NKAIN3: variants seen among roughly 807,000 people sequenced by gnomAD.
NKAIN3 encodes the protein sodium/potassium-transporting ATPase subunit beta-1-interacting protein 3.
NKAIN3 carries 25 observed loss-of-function variants against 30.2 expected under a neutral mutation model. The ratio of observed to expected loss-of-function variants is 0.83; its 90% CI spans 0.60 to 1.16. NKAIN3 has a LOEUF of 1.16. Ranked by LOEUF, NKAIN3 falls within the 50% of genes most tolerant of loss-of-function variation. NKAIN3 has a pLI of 0.00. For synonymous variants in NKAIN3, 91 were observed against 89.6 expected, an observed-to-expected ratio of 1.02 and a Z score of -0.09; for missense variants, 225 against 254.1, an observed-to-expected ratio of 0.89 and a Z score of 0.78.
chr8:62,956,251 G>A (rs1472662970), intron 6 of NKAIN3, among the ~76,000 whole-genome samples: 2 of 152,142 alleles, frequency 1.3e-5, no homozygotes, highest in South Asian at 2.1e-4. Context: ...CCTTCTGTGC[G>A]AAATTGTTAG....
At chr8:62,784,750 C>A (rs182340823) in intron 4 of NKAIN3, among the ~76,000 whole-genome samples, 146 of 152,200 alleles carry the variant, frequency 9.6e-4, no homozygotes, top group African/African-American at 3.3e-3. Context: ...GAGCACTTCC[C>A]AGCTTCTGTT....
intron 4 of NKAIN3, among the ~76,000 whole-genome samples, chr8:62,777,752 G>T (rs1158846319): frequency 1.3e-5 from 2 of 152,078 alleles, no homozygotes; most frequent in African/African-American, 2.4e-5. Flanking sequence ...CTTGATACTT[G>T]TGGACGTTCA....
At chr8:62,249,897 C>T (rs139053681) in intron 1 of NKAIN3, among the ~76,000 whole-genome samples, 160 of 152,274 alleles carry the variant, frequency 1.1e-3, no homozygotes, top group African/African-American at 3.7e-3. Flanking sequence ...AGCAAATGCT[C>T]CTCTTAATCC....
intron 1 of NKAIN3, among the ~76,000 whole-genome samples, chr8:62,548,765 A>T (rs1194912975): frequency 6.6e-6 from 1 of 150,736 alleles, no homozygotes; most frequent in African/African-American, 2.4e-5. Flanking sequence ...AGTTTATAAA[A>T]ATATATATAA....
intron 1 of NKAIN3, among the ~76,000 whole-genome samples, chr8:62,256,642 T>C (rs1033519329): frequency 1.2e-4 from 19 of 152,170 alleles, no homozygotes; most frequent in Non-Finnish European, 2.5e-4. Context: ...CGGTAGGCTG[T>C]CTGCTCTTTT....
intron 4 of NKAIN3, among the ~76,000 whole-genome samples, chr8:62,837,643 C>A (rs140829341): frequency 6.6e-6 from 1 of 152,060 alleles, no homozygotes; most frequent in African/African-American, 2.4e-5. Context: ...TGATTTGTAA[C>A]AGAATAATTA....
chr8:62,738,888 G>A (rs1332519000), intron 3 of NKAIN3, among the ~76,000 whole-genome samples: 1 of 152,056 alleles, frequency 6.6e-6, no homozygotes, highest in Non-Finnish European at 1.5e-5. Context: ...ATGATAGACT[G>A]GATAAAGAAA....
chr8:62,496,921 C>T (rs1807259894), intron 1 of NKAIN3, among the ~76,000 whole-genome samples: 2 of 152,038 alleles, frequency 1.3e-5, no homozygotes, highest in African/African-American at 2.4e-5. Flanking sequence ...CAGTGATTCC[C>T]TAGTGTCTTA....
chr8:62,849,256 C>G (rs1352764064), intron 4 of NKAIN3, among the ~76,000 whole-genome samples: 1 of 148,288 alleles, frequency 6.7e-6, no homozygotes, highest in Non-Finnish European at 1.5e-5. Context: ...TTTTCTGTAC[C>G]TCTGCTAGAA....
chr8:62,422,915 C>T (rs952177025), intron 1 of NKAIN3, among the ~76,000 whole-genome samples: 2 of 152,082 alleles, frequency 1.3e-5, no homozygotes, highest in Non-Finnish European at 2.9e-5. Flanking sequence ...AATCCCTTAA[C>T]TCAATGACTT....
At chr8:62,283,569 A>G (rs1325386071) in intron 1 of NKAIN3, among the ~76,000 whole-genome samples, 1 of 152,156 alleles carries the variant, frequency 6.6e-6, no homozygotes. Context: ...TTTCTAACTA[A>G]TTATTGAAGT....
At chr8:62,574,702 G>A (rs1406300796) in intron 1 of NKAIN3, among the ~76,000 whole-genome samples, 1 of 152,082 alleles carries the variant, frequency 6.6e-6, no homozygotes, top group African/African-American at 2.4e-5. Context: ...ACCCTTGCCA[G>A]CATTTGCTAT....
chr8:62,307,643 G>T (rs567164065), intron 1 of NKAIN3, among the ~76,000 whole-genome samples: 1 of 150,644 alleles, frequency 6.6e-6, no homozygotes, highest in East Asian at 1.9e-4. Flanking sequence ...CACTGTTTTG[G>T]GTTTTAGAAA....
At chr8:62,554,611 T>C (rs1184668355) in intron 1 of NKAIN3, among the ~76,000 whole-genome samples, 3 of 152,186 alleles carry the variant, frequency 2.0e-5, no homozygotes, top group South Asian at 2.1e-4. Context: ...TAAGCAATAA[T>C]TTATTTTAAA....
At chr8:62,833,870 G>A (rs1462152228) in intron 4 of NKAIN3, among the ~76,000 whole-genome samples, 12 of 151,818 alleles carry the variant, frequency 7.9e-5, no homozygotes, top group Middle Eastern at 6.8e-3. Context: ...AAGACACCAC[G>A]AAAAAAGAAA....
intron 1 of NKAIN3, among the ~76,000 whole-genome samples, chr8:62,513,857 C>CAAA (rs10608416): frequency 1.9e-5 from 1 of 52,616 alleles, no homozygotes; most frequent in Non-Finnish European, 3.2e-5. Context: ...AAACCTGTCT[C>CAAA]AAAAAAAAAA....
At chr8:62,728,258 A>AT (rs1274628511) in intron 3 of NKAIN3, among the ~76,000 whole-genome samples, 1 of 152,226 alleles carries the variant, frequency 6.6e-6, no homozygotes. Context: ...GGCATTTTAG[A>AT]TATAACATCA....
At chr8:62,762,460 T>C (rs1785229617) in intron 4 of NKAIN3, among the ~76,000 whole-genome samples, 1 of 152,180 alleles carries the variant, frequency 6.6e-6, no homozygotes, top group African/African-American at 2.4e-5. Context: ...TGATGGAAGA[T>C]GAAATTAGAG....
intron 1 of NKAIN3, among the ~76,000 whole-genome samples, chr8:62,328,709 A>C (rs1264461707): frequency 6.6e-6 from 1 of 152,126 alleles, no homozygotes; most frequent in Non-Finnish European, 1.5e-5. Flanking sequence ...TAATTAGCCC[A>C]GAACTTTGCA....
Sources: gnomAD v4.1 joint callset for allele counts (sites outside exome capture counted in the v4.1 genomes callset) on GRCh38, gnomAD v4.1.1 for gene constraint, MANE v1.5 for transcripts, NCBI Gene and HGNC (gene_info 2026-07-23, HGNC 2026-07-21) for gene names.